Variants in ANTXR2 observed in about 807,000 individuals in gnomAD.
The protein encoded by ANTXR2 is ANTXR cell adhesion molecule 2.
A neutral mutation model predicts 73.7 loss-of-function variants in ANTXR2; 44 were observed. The observed-to-expected ratio is 0.60, with a 90% confidence interval of 0.47 to 0.77. The LOEUF (loss-of-function observed/expected upper bound fraction) is 0.77. ANTXR2 is among the 30% of genes least tolerant of loss of function. The pLI is 0.00. For missense variants in ANTXR2, 604 were observed against 592.5 expected, an observed-to-expected ratio of 1.02 and a Z score of -0.20; for synonymous variants, 217 against 205.9, an observed-to-expected ratio of 1.05 and a Z score of -0.46.
intron 16 of ANTXR2, among the ~76,000 whole-genome samples, chr4:79,917,784 C>A (rs943473358): frequency 6.6e-6 from 1 of 151,560 alleles, no homozygotes; most frequent in Non-Finnish European, 1.5e-5. Context: ...TTTTTTAATT[C>A]CCAATATCTA....
intron 2 of ANTXR2, among the ~76,000 whole-genome samples, chr4:80,070,421 A>T (rs763722480): frequency 2.0e-5 from 3 of 152,206 alleles, no homozygotes; most frequent in Non-Finnish European, 2.9e-5. Context: ...ATTGCTTTTG[A>T]TCAAAATCTA....
At position 80,056,010 on chromosome 4, in the gene ANTXR2, G is replaced by T. The variant is rs1293160962; in HGVS notation, c.300C>A (p.Gly100=). 2 of 1,546,724 alleles carry T rather than the reference G, an allele frequency of 1.3e-6. No individual in the cohort carries two copies. The highest frequency in any genetic ancestry group is 1.7e-6 in the Non-Finnish European group (2 of 1,147,226). Residue 100 remains glycine (G), a synonymous_variant, in exon 4 of 17, where the codon GGC becomes GGA. Transcript: ENST00000403729. Reference sequence around the variant, plus strand: ...AATCCTCCAAGCCTTTACTGATTTTGCCTCTGAAAATAATATTAAACAAAA... The same window carrying T: ...AATCCTCCAAGCCTTTACTGATTTTTCCTCTGAAAATAATATTAAACAAAA... ...TIILPLTGDR[G]KISKGLEDLK...
At chr4:80,056,096 G>A in intron 3 of ANTXR2, 83 bp from the exon 4 acceptor site, 1 of 894,884 alleles carries the variant, frequency 1.1e-6, no homozygotes, top group Non-Finnish European at 1.6e-6. Context: ...TGGCAGTATT[G>A]TAACTAAGCT....
chr4:80,066,360 T>A (rs1027682707), intron 3 of ANTXR2, among the ~76,000 whole-genome samples: 6 of 152,212 alleles, frequency 3.9e-5, no homozygotes, highest in African/African-American at 1.4e-4. Flanking sequence ...AACTCTAGCC[T>A]AGGCATTCTC....
At chr4:79,930,733 A>G (rs550861197) in intron 16 of ANTXR2, among the ~76,000 whole-genome samples, 7 of 152,106 alleles carry the variant, frequency 4.6e-5, no homozygotes, top group Non-Finnish European at 8.8e-5. Context: ...CCCCAATTCT[A>G]TTTCACTGTT....
At chr4:79,951,364 A>G (rs939005191) in intron 16 of ANTXR2, among the ~76,000 whole-genome samples, 8 of 151,950 alleles carry the variant, frequency 5.3e-5, no homozygotes, top group Non-Finnish European at 1.0e-4. Context: ...GGGATTACTC[A>G]TGGTCAGGAG....
At chr4:80,045,472 T>C (rs978685524) in intron 7 of ANTXR2, among the ~76,000 whole-genome samples, 3 of 151,710 alleles carry the variant, frequency 2.0e-5, no homozygotes, top group African/African-American at 4.8e-5. Flanking sequence ...TCACAAATAA[T>C]TTACAAGTGC....
chr4:79,915,571 A>G (rs910045531), intron 16 of ANTXR2, among the ~76,000 whole-genome samples: 2 of 152,136 alleles, frequency 1.3e-5, no homozygotes, highest in Non-Finnish European at 2.9e-5. Flanking sequence ...ACTTCTAAAA[A>G]AAGGTTACTA....
In ANTXR2 at chr4:80,072,871, G is replaced by T. The variant is rs1734885685; in HGVS notation, c.-311C>A. The T allele has an allele frequency of 7.1e-6, 3 of 421,464 alleles. No individual in the cohort carries two copies. Among genetic ancestry groups the T allele is most frequent in the Non-Finnish European group, 1.1e-5 (3 of 275,764 alleles). The allele number at this position is 421,464 out of a possible 1,614,324, so 26.1% of individuals were successfully genotyped here. ...CCTGCAGACAATGCGGGCCCACGGC[G>T]ACAGCTCGCGAAAGGAGTTCCTCTC... On this transcript the variant is annotated 5_prime_UTR_variant, in exon 1 of 17. Coordinates refer to ENST00000403729, the MANE Select transcript of ANTXR2 (RefSeq NM_058172.6).
rs563237842 is a variant in ANTXR2, at chr4:80,014,238, T to C, written c.945+4660A>G. On this transcript the variant is annotated intron_variant, in intron 11 of 16. Transcript: ENST00000403729. ...AGTCAAATTGGATTTCTTCTAACTG[T>C]GGGTCTTGGATCTCCCTTTTCTTTA... Among the ~76,000 whole-genome samples, 22 of 152,252 alleles carry C rather than the reference T, an allele frequency of 1.4e-4. No homozygotes were observed. The South Asian group carries it at 4.1e-3, about 29-fold the overall frequency.
chr4:80,039,728 C>T (rs1190098052), intron 7 of ANTXR2, among the ~76,000 whole-genome samples: 3 of 152,050 alleles, frequency 2.0e-5, no homozygotes, highest in African/African-American at 7.2e-5. Context: ...TTGGAGATTT[C>T]TCAAAGAACT....
intron 16 of ANTXR2, among the ~76,000 whole-genome samples, chr4:79,975,776 A>G (rs1329605977): frequency 6.6e-6 from 1 of 152,222 alleles, no homozygotes; most frequent in Non-Finnish European, 1.5e-5. Context: ...TACAAATGTC[A>G]TTATGAAGAA....
At chr4:79,988,009 C>T (rs1305456008) in intron 12 of ANTXR2, among the ~76,000 whole-genome samples, 1 of 151,764 alleles carries the variant, frequency 6.6e-6, no homozygotes, top group Non-Finnish European at 1.5e-5. Context: ...CACAAAAACA[C>T]ACTTAAGTAC....
intron 12 of ANTXR2, among the ~76,000 whole-genome samples, chr4:80,001,298 C>T (rs1011689027): frequency 6.8e-6 from 1 of 146,982 alleles, no homozygotes; most frequent in Non-Finnish European, 1.5e-5. Flanking sequence ...GTATATCTCC[C>T]GATGCTATCC....
intron 1 of ANTXR2, 92 bp from the exon 2 acceptor site, chr4:80,071,746 TA>T (rs1734797015): frequency 9.9e-7 from 1 of 1,006,452 alleles, no homozygotes; most frequent in Non-Finnish European, 1.5e-6. Flanking sequence ...GCCACGAACA[TA>T]GGGGCACCTG....
Position 79,907,049 on chromosome 4 carries a change from A to G in ANTXR2, c.*380T>C, listed in dbSNP as rs1040964075. 5.7e-5 allele frequency: 14 copies of G among 244,614 alleles called. No individual in the cohort carries two copies. The highest frequency in any genetic ancestry group is 1.0e-4 in the Non-Finnish European group (13 of 128,796). The allele number at this position is 244,614 out of a possible 1,614,324, so 15.2% of individuals were successfully genotyped here. ...TCCATGTAAAAAACTCCTGTCTCCC[A>G]TCATGGCTAGTTGTTTTGTGGTCCT... On this transcript the variant is annotated 3_prime_UTR_variant, in exon 17 of 17. Transcript: ENST00000403729.
intron 14 of ANTXR2, among the ~76,000 whole-genome samples, chr4:79,982,480 G>A (rs941694086): frequency 1.3e-4 from 19 of 151,998 alleles, no homozygotes; most frequent in East Asian, 7.7e-4. Context: ...CTTTTATTTC[G>A]AAGTGTATGT....
chr4:79,975,791 A>G (rs73828828), intron 16 of ANTXR2, among the ~76,000 whole-genome samples: 12,722 of 152,246 alleles, frequency 0.084, 646 homozygotes, highest in Middle Eastern at 0.23. Context: ...GAAGAACCAC[A>G]GTGATTGGAT....
intron 14 of ANTXR2, among the ~76,000 whole-genome samples, chr4:79,979,660 G>T (rs1218446432): frequency 6.6e-6 from 1 of 152,064 alleles, no homozygotes; most frequent in South Asian, 2.1e-4. Context: ...TGTTAAAATT[G>T]TTTTAAACAC....
Sources: gnomAD v4.1 joint callset for allele counts (sites outside exome capture counted in the v4.1 genomes callset) on GRCh38, gnomAD v4.1.1 for gene constraint, MANE v1.5 for transcripts, NCBI Gene and HGNC (gene_info 2026-07-23, HGNC 2026-07-21) for gene names.